Variants in SH3RF3 observed in about 807,000 individuals in gnomAD.
The protein encoded by SH3RF3 is E3 ubiquitin-protein ligase SH3RF3.
In SH3RF3, 29 loss-of-function variants were observed where a neutral mutation model predicts 66.3. That is an observed-to-expected ratio of 0.44 (90% confidence interval 0.33 to 0.60). The LOEUF is 0.60. Among genes scored for constraint, SH3RF3 ranks in the 20% least tolerant of loss-of-function variants. The pLI, the probability that SH3RF3 is intolerant of heterozygous loss-of-function variation, is 0.04. For synonymous variants in SH3RF3, 583 were observed against 532.0 expected, an observed-to-expected ratio of 1.10 and a Z score of -1.32; for missense variants, 1,194 against 1,190.9, an observed-to-expected ratio of 1.00 and a Z score of -0.04.
intron 1 of SH3RF3, among the ~76,000 whole-genome samples, chr2:109,278,146 C>T (rs1038465358): frequency 6.6e-6 from 1 of 151,712 alleles, no homozygotes; most frequent in Non-Finnish European, 1.5e-5. Flanking sequence ...CACTGCAGTC[C>T]AGCCTGAGTG....
At chr2:109,459,939 G>A (rs993905529) in intron 8 of SH3RF3, among the ~76,000 whole-genome samples, 5 of 152,198 alleles carry the variant, frequency 3.3e-5, no homozygotes, top group Non-Finnish European at 5.9e-5. Context: ...ATTTGATGCT[G>A]ATTCAGAGCA....
chr2:109,333,871 A>G (rs143062662), intron 1 of SH3RF3, among the ~76,000 whole-genome samples: 98 of 152,320 alleles, frequency 6.4e-4, no homozygotes, highest in Middle Eastern at 3.4e-3. Context: ...TTATGATGAT[A>G]TAATAATGAT....
At chr2:109,147,384 C>T (rs887341620) in intron 1 of SH3RF3, among the ~76,000 whole-genome samples, 4 of 152,092 alleles carry the variant, frequency 2.6e-5, no homozygotes, top group Non-Finnish European at 5.9e-5. Flanking sequence ...TTGCTGGGGC[C>T]AGATGAAAGA....
At chr2:109,385,153 C>T (rs757091413) in intron 3 of SH3RF3, among the ~76,000 whole-genome samples, 14 of 152,258 alleles carry the variant, frequency 9.2e-5, no homozygotes, top group Admixed American at 2.6e-4. Context: ...CGAGCAGAAG[C>T]TCTGGCTCTC....
intron 3 of SH3RF3, among the ~76,000 whole-genome samples, chr2:109,373,498 G>C (rs953631221): frequency 6.6e-6 from 1 of 152,188 alleles, no homozygotes; most frequent in African/African-American, 2.4e-5. Context: ...AAGAGTAATG[G>C]CTTTAAGGGC....
At chr2:109,461,704 C>T (rs1002145743) in intron 8 of SH3RF3, among the ~76,000 whole-genome samples, 53 of 152,068 alleles carry the variant, frequency 3.5e-4, no homozygotes, top group African/African-American at 1.2e-3. Context: ...AGAGGCCCCA[C>T]GTAGCATCCC....
intron 1 of SH3RF3, among the ~76,000 whole-genome samples, chr2:109,329,153 T>C (rs1252204191): frequency 6.6e-6 from 1 of 152,192 alleles, no homozygotes; most frequent in Non-Finnish European, 1.5e-5. Flanking sequence ...GTTTCTCTCG[T>C]GTGGTTTCTC....
intron 1 of SH3RF3, among the ~76,000 whole-genome samples, chr2:109,257,366 G>C (rs1680244990): frequency 6.6e-6 from 1 of 151,764 alleles, no homozygotes. Context: ...ATGAAAGAAG[G>C]AGAGGGAGGG....
intron 1 of SH3RF3, among the ~76,000 whole-genome samples, chr2:109,197,258 G>A (rs571097379): frequency 1.6e-3 from 243 of 152,258 alleles, no homozygotes; most frequent in African/African-American, 5.1e-3. Context: ...AGGGTAATTC[G>A]TTGGTCGTTA....
At position 109,194,529 on chromosome 2, in the gene SH3RF3, C is replaced by G. The variant is rs549089206; in HGVS notation, c.573+64416C>G. Among the ~76,000 whole-genome samples the G allele has an allele frequency of 1.3e-4, 20 of 152,370 alleles. No homozygotes were observed. The South Asian group carries it at 4.1e-3, about 32-fold the overall frequency. ...CATCTGAGGAGGAGGGGCATTTGCT[C>G]CAGCAGCACTGAAGGGCGAGGAGCA... On this transcript the variant is annotated intron_variant, in intron 1 of 9. Transcript: ENST00000309415.
intron 3 of SH3RF3, among the ~76,000 whole-genome samples, chr2:109,381,093 C>T (rs569828186): frequency 6.6e-6 from 1 of 152,346 alleles, no homozygotes; most frequent in African/African-American, 2.4e-5. Flanking sequence ...CTACCACTTG[C>T]TGAGTGCAGA....
At chr2:109,171,990 T>C (rs1206043592) in intron 1 of SH3RF3, among the ~76,000 whole-genome samples, 1 of 152,218 alleles carries the variant, frequency 6.6e-6, no homozygotes, top group Non-Finnish European at 1.5e-5. Context: ...CTCAGCTGAG[T>C]CGCCCGTTTC....
intron 7 of SH3RF3, among the ~76,000 whole-genome samples, chr2:109,448,509 G>A (rs1008262919): frequency 1.3e-5 from 2 of 152,084 alleles, no homozygotes; most frequent in Admixed American, 6.5e-5. Context: ...GCGGCATTAG[G>A]TTCTCATAGG....
chr2:109,147,130 G>A (rs1261302770), intron 1 of SH3RF3, among the ~76,000 whole-genome samples: 1 of 151,994 alleles, frequency 6.6e-6, no homozygotes, highest in Non-Finnish European at 1.5e-5. Flanking sequence ...TCAGAGGGTG[G>A]GTTTCTTTTT....
At chr2:109,345,482 C>T (rs1490216881) in intron 1 of SH3RF3, among the ~76,000 whole-genome samples, 1 of 152,166 alleles carries the variant, frequency 6.6e-6, no homozygotes, top group Non-Finnish European at 1.5e-5. Context: ...GCTCTTATAA[C>T]ACGGCTTTTA....
intron 1 of SH3RF3, among the ~76,000 whole-genome samples, chr2:109,239,326 G>C (rs1438610626): frequency 6.6e-6 from 1 of 152,156 alleles, no homozygotes; most frequent in Non-Finnish European, 1.5e-5. Context: ...GGCTATAGGA[G>C]TATTTTTGTT....
intron 1 of SH3RF3, among the ~76,000 whole-genome samples, chr2:109,241,299 C>T (rs1679776360): frequency 6.6e-6 from 1 of 151,848 alleles, no homozygotes; most frequent in African/African-American, 2.4e-5. Flanking sequence ...GTAGTAATGG[C>T]CATTATAAAA....
intron 8 of SH3RF3, among the ~76,000 whole-genome samples, chr2:109,455,322 A>G (rs1484963565): frequency 6.6e-6 from 1 of 152,126 alleles, no homozygotes; most frequent in Non-Finnish European, 1.5e-5. Flanking sequence ...CACAGCCAGA[A>G]CCCATGCAAC....
At chr2:109,389,115 C>G (rs1675910232) in intron 3 of SH3RF3, among the ~76,000 whole-genome samples, 1 of 152,220 alleles carries the variant, frequency 6.6e-6, no homozygotes, top group South Asian at 2.1e-4. Context: ...AGCTGGTTTT[C>G]TGTCCCAGAG....
Sources: gnomAD v4.1 joint callset for allele counts (sites outside exome capture counted in the v4.1 genomes callset) on GRCh38, gnomAD v4.1.1 for gene constraint, MANE v1.5 for transcripts, NCBI Gene and HGNC (gene_info 2026-07-23, HGNC 2026-07-21) for gene names.